The following MYBPC1 variants were observed in gnomAD, a reference collection of about 807,000 sequenced individuals.
MYBPC1 encodes myosin binding protein C1.
Under a neutral mutation model 147.1 loss-of-function variants are expected in MYBPC1, and 52 were observed. The ratio of observed to expected loss-of-function variants is 0.35; its 90% confidence interval spans 0.28 to 0.45. The LOEUF is 0.45. MYBPC1 is among the 20% of genes least tolerant of loss of function. The pLI, the probability that MYBPC1 is intolerant of heterozygous loss-of-function variation, is 1.00. For missense variants in MYBPC1, 1,228 were observed against 1,440.3 expected (o/e 0.85, Z 2.39); for synonymous variants, 477 against 475.9 (o/e 1.00, Z -0.03).
intron 16 of MYBPC1, 26 bp downstream of exon 16, chr12:101,651,419 T>G (rs1894415577): frequency 4.3e-6 from 7 of 1,613,294 alleles, no homozygotes; most frequent in Non-Finnish European, 5.9e-6. Context: ...GACCCGCAAG[T>G]GAGGTTTGGT....
At chr12:101,695,245 C>A in the MYBPC1 span, among the ~76,000 whole-genome samples, 1 of 152,136 alleles carries the variant, frequency 6.6e-6, no homozygotes, top group Non-Finnish European at 1.5e-5. Flanking sequence ...ATGGATAATG[C>A]CGAACCCTAT....
At chr12:101,651,972 A>T (rs146254642) in intron 16 of MYBPC1, among the ~76,000 whole-genome samples, 2 of 152,340 alleles carry the variant, frequency 1.3e-5, no homozygotes, top group Admixed American at 1.3e-4. Context: ...GAGGAAAAAT[A>T]CTGAATTCTA....
rs7295024 is a variant in MYBPC1 at position 101,667,077 on chromosome 12, C to T, written c.2357-655C>T. On this transcript the variant is annotated intron_variant, in intron 22 of 31. Coordinates refer to ENST00000361466, the MANE Select transcript of MYBPC1 (RefSeq NM_002465.4). Reference sequence around the variant, plus strand: ...AAGCCCTGAATGCTGGGTTAAAATTCTCTCGATGTGATACACAAGCTGCCA... The same window carrying T: ...AAGCCCTGAATGCTGGGTTAAAATTTTCTCGATGTGATACACAAGCTGCCA... Among the ~76,000 whole-genome samples, 2,516 of 152,250 alleles carry T rather than the reference C, an allele frequency of 0.017. 58 individuals are homozygous for T. Among genetic ancestry groups the T allele is most frequent in the African/African-American group, 0.057 (2,376 of 41,534 alleles).
At chr12:101,663,690 C>G (rs1315622533) in intron 22 of MYBPC1, 130 bp downstream of exon 22, 3 of 1,075,914 alleles carry the variant, frequency 2.8e-6, no homozygotes, top group Admixed American at 2.0e-5. Flanking sequence ...CAAACGTCAT[C>G]CTTCTGAGAT....
chr12:101,601,962 T>G (rs1210147700), intron 1 of MYBPC1, among the ~76,000 whole-genome samples: 2 of 152,244 alleles, frequency 1.3e-5, no homozygotes, highest in Non-Finnish European at 2.9e-5. Flanking sequence ...AGGGTTGTTA[T>G]GCACACAGTA....
chr12:101,648,511 T>G (rs1027235291), intron 14 of MYBPC1, among the ~76,000 whole-genome samples: 4 of 152,218 alleles, frequency 2.6e-5, no homozygotes, highest in African/African-American at 9.6e-5. Context: ...AAAAACATAT[T>G]TAGTGTTTAG....
At chr12:101,619,443 T>C (rs1217402529) in intron 3 of MYBPC1, among the ~76,000 whole-genome samples, 1 of 152,202 alleles carries the variant, frequency 6.6e-6, no homozygotes, top group Non-Finnish European at 1.5e-5. Context: ...CCCCTCATCT[T>C]ATTCCCTCCA....
chr12:101,658,227 T>C (rs999363427), intron 18 of MYBPC1, among the ~76,000 whole-genome samples: 1 of 151,918 alleles, frequency 6.6e-6, no homozygotes, highest in Non-Finnish European at 1.5e-5. Context: ...TATGCAATGC[T>C]GGCTCAAAAT....
intron 1 of MYBPC1, among the ~76,000 whole-genome samples, chr12:101,603,994 C>T (rs1881173502): frequency 6.6e-6 from 1 of 152,158 alleles, no homozygotes; most frequent in East Asian, 1.9e-4. Context: ...AAGGAGGAAA[C>T]TGTTAACAAT....
intron 11 of MYBPC1, among the ~76,000 whole-genome samples, chr12:101,642,806 A>AC (rs1029272617): frequency 7.2e-5 from 11 of 151,922 alleles, no homozygotes; most frequent in African/African-American, 2.7e-4. Context: ...ATAGTACATT[A>AC]CCCCCGCGGT....
intron 29 of MYBPC1, among the ~76,000 whole-genome samples, chr12:101,681,695 G>A (rs1256769625): frequency 2.1e-4 from 28 of 136,210 alleles, no homozygotes; most frequent in Admixed American, 1.7e-3. Flanking sequence ...TGCGACCTCT[G>A]CCTCCTGGGT....
chr12:101,626,725 T>C (rs148915924), intron 3 of MYBPC1, 147 bp from the exon 4 acceptor site: 33 of 738,844 alleles, frequency 4.5e-5, no homozygotes, highest in Middle Eastern at 3.0e-4. Flanking sequence ...AGGTTTCACT[T>C]TTCAGGTACC....
At chr12:101,625,797 A>G (rs1410878446) in intron 3 of MYBPC1, among the ~76,000 whole-genome samples, 1 of 152,158 alleles carries the variant, frequency 6.6e-6, no homozygotes, top group African/African-American at 2.4e-5. Context: ...TTTAAAATTT[A>G]TCCTTCTGCC....
At chr12:101,610,799 C>T (rs949251193) in intron 1 of MYBPC1, among the ~76,000 whole-genome samples, 1 of 152,122 alleles carries the variant, frequency 6.6e-6, no homozygotes, top group African/African-American at 2.4e-5. Flanking sequence ...AGAAGTCCAC[C>T]AGTCCTCCTC....
At chr12:101,670,099 T>G in intron 23 of MYBPC1, 1 of 599,768 alleles carries the variant, frequency 1.7e-6, no homozygotes, top group Non-Finnish European at 3.0e-6. Flanking sequence ...TGAGTCAAAC[T>G]GTTAAAACAT....
In MYBPC1 at chr12:101,653,063, T is replaced by C. The variant is rs966612916; in HGVS notation, c.1634-52T>C. The stretch of plus-strand genomic sequence containing the variant: ...CATACTAGCCAAACATTAGTGCAGA[T>C]ATTTACACAGAAATGACTGTCTGAT... On this transcript the variant is annotated intron_variant, in intron 17 of 31. Coordinates refer to ENST00000361466, the MANE Select transcript of MYBPC1 (RefSeq NM_002465.4). 1.2e-5 allele frequency: 19 copies of C among 1,591,598 alleles called. No homozygotes were observed. In the African/African-American group the frequency reaches 2.3e-4, roughly 19 times the overall value.
chr12:101,662,306 T>C, intron 20 of MYBPC1, 52 bp from the exon 21 acceptor site: 1 of 1,588,294 alleles, frequency 6.3e-7, no homozygotes, highest in Non-Finnish European at 8.6e-7. Flanking sequence ...CTGACAATGT[T>C]TAATTTCAGA....
intron 15 of MYBPC1, among the ~76,000 whole-genome samples, chr12:101,649,923 G>C (rs941075994): frequency 6.6e-6 from 1 of 152,174 alleles, no homozygotes; most frequent in Non-Finnish European, 1.5e-5. Context: ...GTTAGCAATG[G>C]CAGAATCTCT....
intron 22 of MYBPC1, among the ~76,000 whole-genome samples, chr12:101,663,834 G>T (rs935866722): frequency 6.6e-6 from 1 of 152,144 alleles, no homozygotes; most frequent in Non-Finnish European, 1.5e-5. Flanking sequence ...CAAAACTTTG[G>T]GGACTTCCAC....
Sources: gnomAD v4.1 joint callset for allele counts (sites outside exome capture counted in the v4.1 genomes callset) on GRCh38, gnomAD v4.1.1 for gene constraint, MANE v1.5 for transcripts, NCBI Gene and HGNC (gene_info 2026-07-23, HGNC 2026-07-21) for gene names.